The following PAQR5 variants were observed in gnomAD, a reference collection of about 807,000 sequenced individuals.
PAQR5 encodes the protein membrane progestin receptor gamma.
Under a neutral mutation model 34.5 loss-of-function variants are expected in PAQR5, and 20 were observed. That is an observed-to-expected ratio of 0.58 (90% CI 0.41 to 0.84). PAQR5 has a LOEUF of 0.84. Ranked by LOEUF, PAQR5 falls within the 40% of genes least tolerant of loss-of-function variation. The pLI is 0.00. For synonymous variants in PAQR5, 131 were observed against 155.6 expected (o/e 0.84, Z 1.18); for missense variants, 378 against 412.7 (o/e 0.92, Z 0.73).
chr15:69,341,353 C>CTTT (rs370642387), intron 2 of PAQR5, among the ~76,000 whole-genome samples: 83,187 of 117,582 alleles, frequency 0.71, 31,936 homozygotes, highest in South Asian at 0.84. Context: ...AATTCTATTC[C>CTTT]TTTTTTTTTT....
chr15:69,346,428 C>T (rs542463814), intron 2 of PAQR5, among the ~76,000 whole-genome samples: 1 of 151,206 alleles, frequency 6.6e-6, no homozygotes, highest in Admixed American at 6.6e-5. Flanking sequence ...GCCTTAGCCT[C>T]CCAAGTAGCT....
chr15:69,376,916 G>C (rs1030058940), intron 3 of PAQR5, among the ~76,000 whole-genome samples: 33 of 152,154 alleles, frequency 2.2e-4, no homozygotes, highest in Non-Finnish European at 1.0e-4. Flanking sequence ...CACAAACTGT[G>C]AGTGGCCTTT....
chr15:69,401,440 CAAAAAGGAG>C (rs1311180029), intron 8 of PAQR5, among the ~76,000 whole-genome samples: 1 of 152,048 alleles, frequency 6.6e-6, no homozygotes, highest in Non-Finnish European at 1.5e-5. Context: ...AACAGATTTC[CAAAAAGGAG>C]GAAAAGGAGA....
chr15:69,317,476 A>C (rs1471541904), intron 1 of PAQR5, among the ~76,000 whole-genome samples: 1 of 152,124 alleles, frequency 6.6e-6, no homozygotes, highest in African/African-American at 2.4e-5. Flanking sequence ...AGGTCCATGC[A>C]GCCTTCTTCC....
At chr15:69,326,126 C>T (rs2054245464) in intron 1 of PAQR5, among the ~76,000 whole-genome samples, 1 of 152,166 alleles carries the variant, frequency 6.6e-6, no homozygotes, top group South Asian at 2.1e-4. Context: ...TTCATCATTT[C>T]CCATTGATGT....
chr15:69,384,441 CGGGCCCTCCGTGTTCATG>C (rs2056044469), intron 4 of PAQR5, among the ~76,000 whole-genome samples: 2 of 6,018 alleles, frequency 3.3e-4, no homozygotes, highest in Non-Finnish European at 7.9e-4. Flanking sequence ...GGAGGGTGAG[CGGGCCCTCCGTGTTCATG>C]GTGGAGGGTG....
At chr15:69,341,307 G>A (rs2054635540) in intron 2 of PAQR5, among the ~76,000 whole-genome samples, 1 of 137,600 alleles carries the variant, frequency 7.3e-6, no homozygotes, top group South Asian at 2.5e-4. Context: ...TTGACTTAAT[G>A]TTTTCAAGCC....
chr15:69,347,074 G>A (rs1034648687), intron 2 of PAQR5, among the ~76,000 whole-genome samples: 9 of 152,008 alleles, frequency 5.9e-5, no homozygotes, highest in Admixed American at 2.6e-4. Flanking sequence ...CACCTGCCTC[G>A]GCCTCCCAAA....
chr15:69,325,908 T>A (rs1336767430), intron 1 of PAQR5, among the ~76,000 whole-genome samples: 1 of 152,200 alleles, frequency 6.6e-6, no homozygotes, highest in Non-Finnish European at 1.5e-5. Context: ...TGGCTTTTTC[T>A]TCTCCCTTGG....
rs1566998127 is a variant in PAQR5, at chr15:69,322,802, A to T, written c.-276-14539A>T. On this transcript the variant is annotated intron_variant, in intron 1 of 8. Coordinates refer to ENST00000395407, the MANE Select transcript of PAQR5 (RefSeq NM_017705.4). ...AAGAAGAAGACGAGGAAGAAGAAGA[A>T]GAGGAAGAGGAAGAAGAAGAAGAAG... Among the ~76,000 whole-genome samples the T allele has an allele frequency of 1.5e-5, 2 of 130,516 alleles. 1 individual carries two copies. The highest frequency in any genetic ancestry group is 3.1e-5 in the Non-Finnish European group (2 of 64,942). 85.6% of individuals were successfully genotyped at this position (130,516 alleles called of 152,430 possible). A position where few individuals can be genotyped will look rare whatever the true frequency, so the allele number is the denominator to read the frequency against.
chr15:69,351,610 G>C (rs540361836), intron 2 of PAQR5, among the ~76,000 whole-genome samples: 1 of 152,328 alleles, frequency 6.6e-6, no homozygotes, highest in South Asian at 2.1e-4. Context: ...GATTTAGTTT[G>C]CAGGGCACTT....
At chr15:69,356,246 A>G (rs1416957244) in intron 2 of PAQR5, among the ~76,000 whole-genome samples, 1 of 152,140 alleles carries the variant, frequency 6.6e-6, no homozygotes, top group Admixed American at 6.5e-5. Context: ...CTATTACTGG[A>G]CATTTGCCTC....
intron 1 of PAQR5, among the ~76,000 whole-genome samples, chr15:69,309,387 T>G (rs745570120): frequency 1.4e-4 from 22 of 152,152 alleles, no homozygotes; most frequent in Non-Finnish European, 2.9e-4. Flanking sequence ...GAGAAGTGCC[T>G]GGGGATTTTG....
intron 3 of PAQR5, among the ~76,000 whole-genome samples, chr15:69,378,767 T>A (rs554902830): frequency 6.6e-6 from 1 of 152,296 alleles, no homozygotes; most frequent in Admixed American, 6.5e-5. Context: ...TGGGGGCGAT[T>A]TTTGCCCCCA....
At chr15:69,304,838 A>T (rs964866209) in intron 1 of PAQR5, among the ~76,000 whole-genome samples, 2 of 152,190 alleles carry the variant, frequency 1.3e-5, no homozygotes, top group African/African-American at 4.8e-5. Context: ...CACAGAGACC[A>T]ACTATGATAG....
At chr15:69,336,625 A>G (rs2054520579) in intron 1 of PAQR5, among the ~76,000 whole-genome samples, 1 of 152,126 alleles carries the variant, frequency 6.6e-6, no homozygotes, top group Non-Finnish European at 1.5e-5. Context: ...GTCCTCCTAA[A>G]AGTTGGTTTT....
intron 2 of PAQR5, among the ~76,000 whole-genome samples, chr15:69,352,821 G>A (rs1181843428): frequency 6.6e-6 from 1 of 152,192 alleles, no homozygotes; most frequent in East Asian, 1.9e-4. Flanking sequence ...CAGGAATATG[G>A]AAGAAACATG....
rs563269370 is a variant in PAQR5, at chr15:69,405,553, G to A, written c.*1731G>A. ...CTGGCAACAATCTGACATTATTAGT[G>A]GAATTCCACACCAACAGGGCTTGTG... On this transcript the variant is annotated 3_prime_UTR_variant, in exon 9 of 9. Coordinates refer to ENST00000395407, the MANE Select transcript of PAQR5 (RefSeq NM_017705.4). 6.6e-6 allele frequency: 1 copy of A among 152,200 alleles called. No individual in the cohort carries two copies. Among genetic ancestry groups the A allele is most frequent in the South Asian group, 2.1e-4 (1 of 4,814 alleles). The allele number at this position is 152,200 out of a possible 1,614,324, so 9.4% of individuals were successfully genotyped here. A position where few individuals can be genotyped will look rare whatever the true frequency, so the allele number is the denominator to read the frequency against.
At chr15:69,335,415 T>G (rs1428146291) in intron 1 of PAQR5, among the ~76,000 whole-genome samples, 1 of 150,824 alleles carries the variant, frequency 6.6e-6, no homozygotes, top group South Asian at 2.1e-4. Flanking sequence ...CTGGCTAATT[T>G]TTTATTTGTA....
Sources: gnomAD v4.1 joint callset for allele counts (sites outside exome capture counted in the v4.1 genomes callset) on GRCh38, gnomAD v4.1.1 for gene constraint, MANE v1.5 for transcripts, NCBI Gene and HGNC (gene_info 2026-07-23, HGNC 2026-07-21) for gene names.